The following GPC6 variants were observed in gnomAD, a reference collection of about 807,000 sequenced individuals.
GPC6 encodes glypican 6, also known as glypican-6.
GPC6 carries 14 observed loss-of-function variants against 55.2 expected under a neutral mutation model. The ratio of observed to expected loss-of-function variants is 0.25; its 90% CI spans 0.17 to 0.40. The LOEUF is 0.40. Ranked by LOEUF, GPC6 falls within the 10% of genes least tolerant of loss-of-function variation. GPC6 has a pLI of 1.00. For missense variants in GPC6, 641 were observed against 708.5 expected (o/e 0.90, Z 1.08); for synonymous variants, 278 against 259.6 (o/e 1.07, Z -0.68).
intron 1 of GPC6, among the ~76,000 whole-genome samples, chr13:93,245,616 A>T (rs1364915340): frequency 6.6e-6 from 1 of 152,104 alleles, no homozygotes; most frequent in African/African-American, 2.4e-5. Flanking sequence ...TCATACTTTG[A>T]GTCTCTGGGG....
intron 4 of GPC6, among the ~76,000 whole-genome samples, chr13:94,091,908 T>TTGTGTGTGTGTGTG (rs61061006): frequency 1.1e-4 from 17 of 148,508 alleles, no homozygotes; most frequent in African/African-American, 4.2e-4. Context: ...GTGTGTGTGT[T>TTGTGTGTGTGTGTG]TGTGTGTGTG....
intron 1 of GPC6, among the ~76,000 whole-genome samples, chr13:93,232,479 C>T (rs1377327476): frequency 2.0e-5 from 3 of 152,046 alleles, no homozygotes; most frequent in Non-Finnish European, 2.9e-5. Flanking sequence ...AATTTTAGAG[C>T]GATTGTGAGT....
intron 2 of GPC6, among the ~76,000 whole-genome samples, chr13:93,691,194 T>A (rs963627589): frequency 2.0e-5 from 3 of 152,120 alleles, no homozygotes; most frequent in African/African-American, 7.2e-5. Flanking sequence ...GGTAACAAAA[T>A]GAAACATCTT....
intron 2 of GPC6, among the ~76,000 whole-genome samples, chr13:93,554,837 A>G (rs2139448580): frequency 6.6e-6 from 1 of 152,360 alleles, no homozygotes; most frequent in East Asian, 1.9e-4. Flanking sequence ...GTGCTCAGAT[A>G]AATTTTTAAA....
intron 2 of GPC6, among the ~76,000 whole-genome samples, chr13:93,737,365 T>C (rs1884042251): frequency 2.0e-5 from 3 of 151,376 alleles, no homozygotes. Flanking sequence ...AACTGTGCCA[T>C]GTTTTCTAAT....
At chr13:93,569,951 A>T (rs1457175752) in intron 2 of GPC6, among the ~76,000 whole-genome samples, 3 of 152,148 alleles carry the variant, frequency 2.0e-5, no homozygotes, top group African/African-American at 7.2e-5. Context: ...ACTACCCATG[A>T]TATTAATTGA....
At chr13:93,697,941 T>A (rs1442271409) in intron 2 of GPC6, among the ~76,000 whole-genome samples, 1 of 152,202 alleles carries the variant, frequency 6.6e-6, no homozygotes, top group Non-Finnish European at 1.5e-5. Context: ...AACTTCCAAC[T>A]GCATTTCATT....
At chr13:93,378,904 A>G (rs1433741421) in intron 1 of GPC6, among the ~76,000 whole-genome samples, 2 of 151,852 alleles carry the variant, frequency 1.3e-5, no homozygotes, top group Admixed American at 1.3e-4. Context: ...CTGAGGCAGG[A>G]GAATCGCATG....
At chr13:93,930,705 GA>G (rs1878123976) in intron 3 of GPC6, among the ~76,000 whole-genome samples, 1 of 152,136 alleles carries the variant, frequency 6.6e-6, no homozygotes, top group South Asian at 2.1e-4. Context: ...AGGAGACTGG[GA>G]AGAAATGACA....
chr13:94,392,721 C>A (rs1456668108), intron 7 of GPC6, among the ~76,000 whole-genome samples: 1 of 34,976 alleles, frequency 2.9e-5, no homozygotes, highest in African/African-American at 1.5e-4. Context: ...GTGATCCACC[C>A]TCTTGGTCAG....
chr13:93,647,301 G>A (rs147526675), intron 2 of GPC6, among the ~76,000 whole-genome samples: 143 of 152,158 alleles, frequency 9.4e-4, no homozygotes, highest in African/African-American at 3.2e-3. Flanking sequence ...AAAATTTGAC[G>A]TTTCTTGAAT....
chr13:93,936,502 A>G lies in GPC6; in HGVS notation c.712-91227A>G, dbSNP rs1036893739. 2.6e-5 allele frequency among the ~76,000 whole-genome samples: 4 copies of G among 152,308 alleles called. No individual in the cohort carries two copies. In the South Asian group the frequency reaches 8.3e-4, roughly 32 times the overall value. ...ATTAGCTAAATAAACTCCATGTTAG[A>G]AATTCAAAGAAATCATTTGTGTGAT... On this transcript the variant is annotated intron_variant, in intron 3 of 8. Coordinates refer to ENST00000377047, the MANE Select transcript of GPC6 (RefSeq NM_005708.5).
intron 2 of GPC6, among the ~76,000 whole-genome samples, chr13:93,734,100 G>C (rs963649631): frequency 2.0e-5 from 1 of 49,946 alleles, no homozygotes; most frequent in Admixed American, 3.1e-4. Flanking sequence ...TTAGAATTCT[G>C]CAGTTTTGGG....
At chr13:93,910,930 CA>C (rs1876941222) in intron 3 of GPC6, among the ~76,000 whole-genome samples, 1 of 152,146 alleles carries the variant, frequency 6.6e-6, no homozygotes, top group Admixed American at 6.5e-5. Context: ...AGCAATATAT[CA>C]ATTACCAGCT....
chr13:93,865,648 A>T (rs894158369), intron 3 of GPC6, among the ~76,000 whole-genome samples: 3 of 151,668 alleles, frequency 2.0e-5, no homozygotes, highest in Non-Finnish European at 3.0e-5. Context: ...TCATATATTT[A>T]CCTTCTCTCA....
intron 2 of GPC6, among the ~76,000 whole-genome samples, chr13:93,766,282 C>G (rs958852149): frequency 5.9e-5 from 9 of 152,068 alleles, no homozygotes; most frequent in African/African-American, 1.9e-4. Context: ...GGAAATACGA[C>G]CAAGTCATAG....
At chr13:93,235,103 C>T (rs762775293) in intron 1 of GPC6, among the ~76,000 whole-genome samples, 17 of 152,084 alleles carry the variant, frequency 1.1e-4, no homozygotes, top group Non-Finnish European at 1.9e-4. Flanking sequence ...GGTACTTAAG[C>T]TACTGACATA....
chr13:93,633,110 A>C (rs534317485), intron 2 of GPC6, among the ~76,000 whole-genome samples: 1 of 152,284 alleles, frequency 6.6e-6, no homozygotes, highest in South Asian at 2.1e-4. Context: ...TGAATTCTGC[A>C]TTTAATGTGT....
intron 1 of GPC6, among the ~76,000 whole-genome samples, chr13:93,543,857 C>T (rs1474624495): frequency 6.6e-6 from 1 of 152,062 alleles, no homozygotes; most frequent in East Asian, 1.9e-4. Context: ...TTGCTGGATG[C>T]TATTTGTAGT....
Sources: allele counts gnomAD v4.1 joint callset (sites outside exome capture counted in the v4.1 genomes callset), GRCh38; gene constraint gnomAD v4.1.1; transcripts MANE v1.5; gene names NCBI Gene and HGNC (gene_info 2026-07-23, HGNC 2026-07-21).